SSH2: variants seen among roughly 807,000 people sequenced by gnomAD.
The protein encoded by SSH2 is slingshot protein phosphatase 2.
A neutral mutation model predicts 135.2 loss-of-function variants in SSH2; 37 were observed. The ratio of observed to expected loss-of-function variants is 0.27; its 90% CI spans 0.21 to 0.36. The LOEUF (loss-of-function observed/expected upper bound fraction) is 0.36. Ranked by LOEUF, SSH2 falls within the 10% of genes least tolerant of loss-of-function variation. SSH2 has a pLI of 1.00. For synonymous variants in SSH2, 628 were observed against 646.2 expected, an observed-to-expected ratio of 0.97 and a Z score of 0.43; for missense variants, 1,408 against 1,765.3, an observed-to-expected ratio of 0.80 and a Z score of 3.63.
intron 3 of SSH2, among the ~76,000 whole-genome samples, chr17:29,740,469 T>C (rs953771855): frequency 6.6e-6 from 1 of 152,026 alleles, no homozygotes; most frequent in Non-Finnish European, 1.5e-5. Context: ...TTCAGTAAAT[T>C]TGCCATAGGT....
intron 11 of SSH2, among the ~76,000 whole-genome samples, chr17:29,664,852 T>C (rs2037206306): frequency 1.3e-5 from 2 of 152,180 alleles, no homozygotes. Context: ...GCCTAAAATA[T>C]ACCATTTGAG....
chr17:29,830,963 G>A (rs1729197777), intron 2 of SSH2, among the ~76,000 whole-genome samples: 2 of 152,122 alleles, frequency 1.3e-5, no homozygotes, highest in Admixed American at 1.3e-4. Context: ...ATAAGTCCTG[G>A]GCATAACTTT....
intron 5 of SSH2, among the ~76,000 whole-genome samples, chr17:29,691,213 C>T (rs140983748): frequency 3.4e-4 from 51 of 152,214 alleles, no homozygotes; most frequent in African/African-American, 1.2e-3. Flanking sequence ...TTGAATTCTC[C>T]TGCAAAATAC....
chr17:29,803,993 G>T (rs2042296221), intron 2 of SSH2, among the ~76,000 whole-genome samples: 1 of 152,148 alleles, frequency 6.6e-6, no homozygotes, highest in Admixed American at 6.5e-5. Flanking sequence ...GTTTGGAAGA[G>T]GCTCAGACAT....
chr17:29,912,698 C>T (rs572272098), intron 1 of SSH2, among the ~76,000 whole-genome samples: 33 of 152,130 alleles, frequency 2.2e-4, no homozygotes, highest in African/African-American at 3.9e-4. Flanking sequence ...GCCACTACAC[C>T]CCAGCCTGGG....
At chr17:29,759,230 C>T (rs558908460) in intron 3 of SSH2, among the ~76,000 whole-genome samples, 3 of 151,964 alleles carry the variant, frequency 2.0e-5, no homozygotes, top group Non-Finnish European at 4.4e-5. Context: ...AAGATGGAGT[C>T]TCACTATGTT....
chr17:29,687,944 C>A (rs1598803480), intron 5 of SSH2, among the ~76,000 whole-genome samples: 1 of 151,802 alleles, frequency 6.6e-6, no homozygotes, highest in East Asian at 1.9e-4. Flanking sequence ...ATGCAAGTTA[C>A]CAGCCAAGTT....
Position 29,676,852 on chromosome 17 carries a change from G to A in SSH2, c.582C>T (p.His194=), listed in dbSNP as rs1328693678. 6.2e-7 allele frequency: 1 copy of A among 1,613,936 alleles called. No individual in the cohort carries two copies. The highest frequency in any genetic ancestry group is 1.7e-5 in the Admixed American group (1 of 60,020). ...GFSVSTDNRV[H]IFKPVSVQAM... ...CCTGCACAGATACAGGTTTGAATATGTGAACTCTGTTATCCGTCGATACAC... is the reference window on the plus strand; with the variant it reads ...CCTGCACAGATACAGGTTTGAATATATGAACTCTGTTATCCGTCGATACAC... The change falls in exon 8 of 16, where the codon CAC becomes CAT. Residue 194 remains histidine (H), a synonymous_variant. Transcript: ENST00000540801.
chr17:29,744,907 A>G lies in SSH2; in HGVS notation c.189-41845T>C, dbSNP rs373087634. On this transcript the variant is annotated intron_variant, in intron 3 of 15. Coordinates refer to ENST00000540801, the MANE Select transcript of SSH2 (RefSeq NM_001282129.2). ...TGTGTGTGTGTGTGTGTGTGTTTAAATAAACAAACCATAAAGCCACTAGCA... is the reference window on the plus strand; with the variant it reads ...TGTGTGTGTGTGTGTGTGTGTTTAAGTAAACAAACCATAAAGCCACTAGCA... Among the ~76,000 whole-genome samples, 43 of 135,518 alleles carry G rather than the reference A, an allele frequency of 3.2e-4. 1 individual carries two copies. The highest frequency in any genetic ancestry group is 1.2e-3 in the African/African-American group (41 of 35,134). The allele number at this position is 135,518 out of a possible 152,430, so 88.9% of individuals were successfully genotyped here. A position where few individuals can be genotyped will look rare whatever the true frequency, so the allele number is the denominator to read the frequency against.
intron 15 of SSH2, among the ~76,000 whole-genome samples, chr17:29,635,458 G>A (rs528643104): frequency 6.6e-6 from 1 of 151,724 alleles, no homozygotes; most frequent in African/African-American, 2.4e-5. Flanking sequence ...AGGCTGGAGT[G>A]CAGTGGCACA....
intron 8 of SSH2, among the ~76,000 whole-genome samples, chr17:29,672,829 G>A (rs919195172): frequency 3.9e-5 from 6 of 151,956 alleles, no homozygotes; most frequent in Admixed American, 2.0e-4. Flanking sequence ...TCAGCCTCCC[G>A]AGTAGTAGCT....
At chr17:29,729,346 C>T (rs1311183389) in intron 3 of SSH2, among the ~76,000 whole-genome samples, 1 of 152,204 alleles carries the variant, frequency 6.6e-6, no homozygotes, top group East Asian at 1.9e-4. Context: ...GAGATATCAT[C>T]TTATCCCAGT....
At chr17:29,822,103 TATC>T (rs1294287781) in intron 2 of SSH2, among the ~76,000 whole-genome samples, 1 of 152,186 alleles carries the variant, frequency 6.6e-6, no homozygotes, top group East Asian at 1.9e-4. Flanking sequence ...ATCAGTGTCT[TATC>T]ATTCAATGCA....
At chr17:29,860,379 T>A (rs911149312) in intron 1 of SSH2, among the ~76,000 whole-genome samples, 6 of 152,142 alleles carry the variant, frequency 3.9e-5, no homozygotes, top group African/African-American at 9.7e-5. Context: ...TTTTTTCATA[T>A]GATTGTTGGC....
intron 6 of SSH2, among the ~76,000 whole-genome samples, chr17:29,683,143 C>T (rs532211228): frequency 6.6e-6 from 1 of 152,256 alleles, no homozygotes; most frequent in East Asian, 1.9e-4. Flanking sequence ...GGTCACACCC[C>T]TAGCTACCCC....
chr17:29,648,209 C>T lies in SSH2; in HGVS notation c.1362G>A (p.Thr454=), dbSNP rs371829849. The T allele has an allele frequency of 4.3e-5, 70 of 1,614,108 alleles. No homozygotes were observed. The highest frequency in any genetic ancestry group is 5.3e-5 in the Non-Finnish European group (63 of 1,180,028). Residue 454 remains threonine (T), a synonymous_variant, in exon 14 of 16, where the codon ACG becomes ACA. Coordinates refer to ENST00000540801, the MANE Select transcript of SSH2 (RefSeq NM_001282129.2). ...TGAAGCTTGGGTTGGGCTTGGTTAC[C>T]GTTCGTCTTTCTTTCACATAGTCAT... The part of the protein sequence containing the change: ...RAYDYVKERR[T]VTKPNPSFMR...
rs145967363 is a variant in SSH2, at chr17:29,912,375, C to T, written c.63+17563G>A. 3.8e-3 allele frequency among the ~76,000 whole-genome samples: 574 copies of T among 152,214 alleles called. 4 individuals are homozygous for T. Among genetic ancestry groups the T allele is most frequent in the African/African-American group, 0.013 (550 of 41,534 alleles). On this transcript the variant is annotated intron_variant, in intron 1 of 15. Coordinates refer to ENST00000540801, the MANE Select transcript of SSH2 (RefSeq NM_001282129.2). Reference sequence around the variant, plus strand: ...CATATTCCTACTGTTTAAATTTGGTCTTCTGTTACTTACAATCAAAATAAT... The same window carrying T: ...CATATTCCTACTGTTTAAATTTGGTTTTCTGTTACTTACAATCAAAATAAT...
Position 29,632,752 on chromosome 17 carries a change from C to G in SSH2, c.2442G>C (p.Glu814Asp). 1 of 1,614,186 alleles carries G rather than the reference C, an allele frequency of 6.2e-7. No homozygotes were observed. Among genetic ancestry groups the G allele is most frequent in the Non-Finnish European group, 8.5e-7 (1 of 1,180,032 alleles). ...CHTPKKNSIHELLLERAQTPE... is the reference protein window; with the variant it reads ...CHTPKKNSIHDLLLERAQTPE... ...GAGTCTGGGCCCTCTCAAGGAGCAG[C>G]TCATGGATGCTGTTCTTCTTTGGTG... Residue 814 changes from glutamate to aspartate, a missense_variant, in exon 16 of 16, where the codon GAG becomes GAC. By Grantham distance (45) the Glu-to-Asp change is conservative. Around this residue, in one of 3 missense-constraint regions of SSH2, gnomAD observed 1,080 missense variants for 1,144.5 expected, o/e 0.94. Coordinates refer to ENST00000540801, the MANE Select transcript of SSH2 (RefSeq NM_001282129.2).
intron 14 of SSH2, chr17:29,639,627 A>T (rs1274225209): frequency 6.6e-6 from 1 of 151,882 alleles, no homozygotes; most frequent in African/African-American, 2.4e-5. Context: ...TTTTATGAAG[A>T]CAAGCTGTAA....
Sources: allele counts gnomAD v4.1 joint callset (sites outside exome capture counted in the v4.1 genomes callset), GRCh38; gene constraint gnomAD v4.1.1; regional missense constraint gnomAD v4.1.1; transcripts MANE v1.5; gene names NCBI Gene and HGNC (gene_info 2026-07-23, HGNC 2026-07-21).